LMBR1: variants seen among roughly 807,000 people sequenced by gnomAD.
The protein encoded by LMBR1 is limb development membrane protein 1, also known as limb region 1 protein homolog.
Under a neutral mutation model 73.9 loss-of-function variants are expected in LMBR1, and 52 were observed. The ratio of observed to expected loss-of-function variants is 0.70; its 90% CI spans 0.56 to 0.89. The LOEUF is 0.89. Ranked by LOEUF, LMBR1 falls within the 40% of genes least tolerant of loss-of-function variation. The pLI is 0.00. For synonymous variants in LMBR1, 215 were observed against 209.4 expected (o/e 1.03, Z -0.23); for missense variants, 539 against 579.8 (o/e 0.93, Z 0.72).
intron 15 of LMBR1, among the ~76,000 whole-genome samples, chr7:156,713,107 C>T (rs1243482226): frequency 6.6e-6 from 1 of 152,008 alleles, no homozygotes; most frequent in Non-Finnish European, 1.5e-5. Flanking sequence ...TGGAGGAACC[C>T]TAAATATACG....
At chr7:156,737,306 G>T (rs888066004) in intron 9 of LMBR1, among the ~76,000 whole-genome samples, 18 of 152,142 alleles carry the variant, frequency 1.2e-4, no homozygotes, top group African/African-American at 4.1e-4. Flanking sequence ...TTGCTTTTGA[G>T]AAGTCTGAAG....
At chr7:156,819,489 T>C (rs1303745254) in intron 4 of LMBR1, among the ~76,000 whole-genome samples, 1 of 152,168 alleles carries the variant, frequency 6.6e-6, no homozygotes, top group African/African-American at 2.4e-5. Flanking sequence ...AATCAATCAA[T>C]ATTTATTGAA....
At chr7:156,781,557 T>C (rs1563344835) in intron 5 of LMBR1, among the ~76,000 whole-genome samples, 1 of 152,210 alleles carries the variant, frequency 6.6e-6, no homozygotes, top group African/African-American at 2.4e-5. Flanking sequence ...CAAGTTGGCA[T>C]TTGGTTTTAT....
At position 156,724,164 on chromosome 7, in the gene LMBR1, A is replaced by T; in HGVS notation, c.1173T>A (p.Cys391Ter). 1 of 1,611,264 alleles carries T rather than the reference A, an allele frequency of 6.2e-7. No homozygotes were observed. Among genetic ancestry groups the T allele is most frequent in the Non-Finnish European group, 8.5e-7 (1 of 1,178,418 alleles). ...CAGAGCTCAAAACCAAGATGGACAC[A>T]CAATTTCCAATGATCTGTTATGAGA... ...DTTMTKIIGN[C>*]VSILVLSSAL... The change falls in exon 15 of 17, where the codon TGT (cysteine) becomes TGA (stop). Residue 391 changes from cysteine (C) to a stop codon, truncating the protein, a stop_gained. Coordinates refer to ENST00000353442, the MANE Select transcript of LMBR1 (RefSeq NM_022458.4). LOFTEE classifies it high-confidence loss of function.
intron 1 of LMBR1, among the ~76,000 whole-genome samples, chr7:156,876,031 C>T (rs186178669): frequency 1.3e-5 from 2 of 152,072 alleles, no homozygotes; most frequent in South Asian, 2.1e-4. Context: ...TACAGAATTG[C>T]GGAATGGATA....
intron 4 of LMBR1, among the ~76,000 whole-genome samples, chr7:156,801,941 T>C (rs1831064109): frequency 6.6e-6 from 1 of 152,210 alleles, no homozygotes; most frequent in Non-Finnish European, 1.5e-5. Context: ...CTATTCCTTC[T>C]AATATGCTGT....
intron 1 of LMBR1, among the ~76,000 whole-genome samples, chr7:156,889,677 T>C (rs12532414): frequency 0.039 from 5,970 of 152,016 alleles, 165 homozygotes; most frequent in Non-Finnish European, 0.049. Context: ...TTCAGGGGAG[T>C]AGACGAAGCT....
At chr7:156,706,882 C>T (rs77118961) in intron 15 of LMBR1, among the ~76,000 whole-genome samples, 2,410 of 146,890 alleles carry the variant, frequency 0.016, 64 homozygotes, top group African/African-American at 0.055. Flanking sequence ...AAGATCAGAG[C>T]AGAACCAAAA....
At chr7:156,673,204 T>C (rs1460646282), downstream of LMBR1, among the ~76,000 whole-genome samples, 1 of 152,248 alleles carries the variant, frequency 6.6e-6, no homozygotes, top group Non-Finnish European at 1.5e-5. Context: ...TGGACTAGAA[T>C]GTGACCCTTT....
intron 1 of LMBR1, among the ~76,000 whole-genome samples, chr7:156,857,876 A>G (rs1357125347): frequency 6.6e-6 from 1 of 152,148 alleles, no homozygotes; most frequent in Non-Finnish European, 1.5e-5. Context: ...TCTCAAAACA[A>G]ATTTTAAAAT....
At chr7:156,714,878 G>A (rs527756649) in intron 15 of LMBR1, among the ~76,000 whole-genome samples, 21 of 152,206 alleles carry the variant, frequency 1.4e-4, no homozygotes, top group Middle Eastern at 3.4e-3. Flanking sequence ...AGACTGCCAC[G>A]CCAAGGAAAC....
intron 1 of LMBR1, among the ~76,000 whole-genome samples, chr7:156,866,942 T>C (rs989713925): frequency 2.0e-5 from 3 of 152,188 alleles, no homozygotes; most frequent in Non-Finnish European, 4.4e-5. Flanking sequence ...AGTTCTTATC[T>C]CAGACATACA....
At chr7:156,673,918 A>AAG (rs1554451268), downstream of LMBR1, among the ~76,000 whole-genome samples, 2 of 129,906 alleles carry the variant, frequency 1.5e-5, no homozygotes, top group African/African-American at 3.3e-5. Context: ...AAAAAAAAAA[A>AAG]AAAAGAAAAA....
At chr7:156,759,563 T>C (rs569906035) in intron 8 of LMBR1, among the ~76,000 whole-genome samples, 3 of 152,334 alleles carry the variant, frequency 2.0e-5, no homozygotes, top group Admixed American at 1.3e-4. Flanking sequence ...ATATAGTGTT[T>C]ATTGCTAGCA....
chr7:156,732,873 G>A (rs113326999), intron 10 of LMBR1, among the ~76,000 whole-genome samples: 3,812 of 152,288 alleles, frequency 0.025, 160 homozygotes, highest in African/African-American at 0.087. Flanking sequence ...GCCAGGCATC[G>A]TGGCTCATGC....
chr7:156,885,409 A>G (rs1801728624), intron 1 of LMBR1, among the ~76,000 whole-genome samples: 1 of 151,660 alleles, frequency 6.6e-6, no homozygotes, highest in South Asian at 2.1e-4. Flanking sequence ...AAAATATTCT[A>G]GCCAAGAGGG....
At chr7:156,761,071 AGACAGTCCTG>A (rs752221485) in intron 8 of LMBR1, among the ~76,000 whole-genome samples, 3 of 152,230 alleles carry the variant, frequency 2.0e-5, no homozygotes, top group Non-Finnish European at 4.4e-5. Flanking sequence ...GAAGGGAAAG[AGACAGTCCTG>A]GAGACAGAAT....
chr7:156,810,359 T>C (rs1832885329), intron 4 of LMBR1, among the ~76,000 whole-genome samples: 1 of 151,998 alleles, frequency 6.6e-6, no homozygotes, highest in African/African-American at 2.4e-5. Context: ...CCCAAACACC[T>C]CCCACTAGAT....
At chr7:156,801,253 G>A (rs775180091) in intron 4 of LMBR1, among the ~76,000 whole-genome samples, 3 of 152,220 alleles carry the variant, frequency 2.0e-5, no homozygotes, top group African/African-American at 7.2e-5. Flanking sequence ...CCACGGTCAC[G>A]CAACCTTTAG....
Sources: gnomAD v4.1 joint callset for allele counts (sites outside exome capture counted in the v4.1 genomes callset) on GRCh38, gnomAD v4.1.1 for gene constraint, MANE v1.5 for transcripts, NCBI Gene and HGNC (gene_info 2026-07-23, HGNC 2026-07-21) for gene names.